Variants in SLC7A7 observed in about 807,000 individuals in gnomAD.
SLC7A7 encodes solute carrier family 7 member 7.
Under a neutral mutation model 47.9 loss-of-function variants are expected in SLC7A7, and 39 were observed. That is an observed-to-expected ratio of 0.81 (90% confidence interval 0.63 to 1.06). The LOEUF is 1.06. Among genes scored for constraint, SLC7A7 ranks in the 50% least tolerant of loss-of-function variants. The pLI is 0.00. For missense variants in SLC7A7, 588 were observed against 632.0 expected (o/e 0.93, Z 0.75); for synonymous variants, 234 against 242.8 (o/e 0.96, Z 0.34).
chr14:22,797,822 G>A (rs2039044675), intron 2 of SLC7A7, among the ~76,000 whole-genome samples: 1 of 152,180 alleles, frequency 6.6e-6, no homozygotes, highest in Admixed American at 6.5e-5. Context: ...AGACTATCTA[G>A]GGCTGTAGTT....
At chr14:22,793,083 A>T (rs2038954902) in intron 2 of SLC7A7, among the ~76,000 whole-genome samples, 1 of 151,464 alleles carries the variant, frequency 6.6e-6, no homozygotes, top group African/African-American at 2.4e-5. Flanking sequence ...AGCCCAGCTA[A>T]TTTTTTGTAT....
intron 2 of SLC7A7, 85 bp downstream of exon 2, chr14:22,812,813 CTA>C: frequency 8.5e-7 from 1 of 1,179,346 alleles, no homozygotes. Context: ...ACATTCCTCT[CTA>C]TCTCCTTCTT....
In SLC7A7 at chr14:22,779,939, A is replaced by G. The variant is rs371412051; in HGVS notation, c.612T>C (p.Val204=). The G allele has an allele frequency of 8.1e-6, 13 of 1,614,052 alleles. No individual in the cohort carries two copies. Among genetic ancestry groups the G allele is most frequent in the Middle Eastern group, 1.6e-4 (1 of 6,084 alleles). Reference sequence around the variant, plus strand: ...ATTATTTCTTACCCTGGCCAAGTCTAACAATGCCTGCAACGATGACCGCGA... The same window carrying G: ...ATTATTTCTTACCCTGGCCAAGTCTGACAATGCCTGCAACGATGACCGCGA... ...ALIAVIVAGI[V]RLGQGASTHF... is the part of the protein sequence containing the mutation. Residue 204 remains valine (V), a synonymous_variant, in exon 3 of 10, where the codon GTT becomes GTC. Transcript: ENST00000674313.
intron 2 of SLC7A7, among the ~76,000 whole-genome samples, chr14:22,809,831 C>A (rs11851289): frequency 0.53 from 81,021 of 151,630 alleles, 21,883 homozygotes; most frequent in East Asian, 0.8. Flanking sequence ...AAATTAGAAG[C>A]AGAAAATTGG....
At position 22,774,373 on chromosome 14, in the gene SLC7A7, T is replaced by C. The variant is rs767401040; in HGVS notation, c.1226A>G (p.Asp409Gly). ...CCTTACCTTGAGGGGACGAGGTCGA[T>C]CAGGCTCCTTCCAGCGCAGATAAAG... ...GQLYLRWKEP[D>G]RPRPLKLSVF... The change falls in exon 8 of 10, where the codon GAT becomes GGT. Residue 409 changes from aspartate to glycine, a missense_variant. By Grantham distance (94) the Asp-to-Gly change is moderately conservative. Transcript: ENST00000674313. 1.2e-6 allele frequency: 2 copies of C among 1,614,120 alleles called. No individual in the cohort carries two copies. The highest frequency in any genetic ancestry group is 1.7e-6 in the Non-Finnish European group (2 of 1,180,014).
chr14:22,815,248 A>AC, intron 1 of SLC7A7, 72 bp downstream of exon 1: 1 of 411,846 alleles, frequency 2.4e-6, no homozygotes, highest in Non-Finnish European at 4.9e-6. Context: ...AAGCGATTAG[A>AC]CACTGCACAG....
At chr14:22,797,270 C>G (rs1198630170) in intron 2 of SLC7A7, among the ~76,000 whole-genome samples, 1 of 152,062 alleles carries the variant, frequency 6.6e-6, no homozygotes, top group East Asian at 1.9e-4. Flanking sequence ...TGGGGCAGTC[C>G]ACGAATTTCT....
At chr14:22,801,687 A>C (rs2039116722) in intron 2 of SLC7A7, among the ~76,000 whole-genome samples, 1 of 152,154 alleles carries the variant, frequency 6.6e-6, no homozygotes, top group African/African-American at 2.4e-5. Context: ...AGACAGGAGA[A>C]TCTCTTGAAC....
chr14:22,815,919 C>T (rs2039401573), upstream of SLC7A7: 1 of 342,772 alleles, frequency 2.9e-6, no homozygotes, highest in Middle Eastern at 1.1e-3. Context: ...TAAGAGCAGT[C>T]TCTACACCAT....
intron 5 of SLC7A7, 62 bp downstream of exon 5, chr14:22,776,133 G>A (rs117796579): frequency 3.3e-4 from 528 of 1,610,412 alleles, no homozygotes; most frequent in Middle Eastern, 8.3e-4. Context: ...ACTTTCAAGA[G>A]CCAGAATATA....
intron 2 of SLC7A7, among the ~76,000 whole-genome samples, chr14:22,789,701 C>A (rs1005390347): frequency 6.6e-6 from 1 of 151,068 alleles, no homozygotes; most frequent in Non-Finnish European, 1.5e-5. Flanking sequence ...ACAGGGAAAT[C>A]ATTCTGTATT....
At chr14:22,779,039 G>A (rs536925494) in intron 3 of SLC7A7, 102 bp from the exon 4 acceptor site, 1 of 1,464,110 alleles carries the variant, frequency 6.8e-7, no homozygotes, top group South Asian at 1.2e-5. Context: ...ATAATAGCAG[G>A]TAAGTGGCCT....
At chr14:22,775,593 C>G (rs1413930357) in intron 6 of SLC7A7, 53 bp from the exon 7 acceptor site, 1 of 1,448,996 alleles carries the variant, frequency 6.9e-7, no homozygotes, top group African/African-American at 1.4e-5. Flanking sequence ...ACGGTGCAGC[C>G]TGGTTCACCT....
At chr14:22,814,600 T>C (rs2039377918) in intron 1 of SLC7A7, 1 of 152,266 alleles carries the variant, frequency 6.6e-6, no homozygotes, top group African/African-American at 2.4e-5. Context: ...CTATAATGGC[T>C]TGACCCCGAG....
In SLC7A7 at chr14:22,774,108, A is replaced by G; in HGVS notation, c.1254T>C (p.Val418=). 6.2e-7 allele frequency: 1 copy of G among 1,614,188 alleles called. No homozygotes were observed. Among genetic ancestry groups the G allele is most frequent in the Non-Finnish European group, 8.5e-7 (1 of 1,180,038 alleles). ...AGAGGCAGAAGACAATCGGGAAGAAAACGCTGAGCTAAGGGCACAGGAAAC... is the reference window on the plus strand; with the variant it reads ...AGAGGCAGAAGACAATCGGGAAGAAGACGCTGAGCTAAGGGCACAGGAAAC... ...PDRPRPLKLS[V]FFPIVFCLCT... The change falls in exon 9 of 10, where the codon GTT becomes GTC. Residue 418 remains valine (V), a synonymous_variant. Transcript: ENST00000674313.
In SLC7A7 at chr14:22,814,484, C is replaced by CA. The variant is rs369456265; in HGVS notation, c.-43+835dup. Among the ~76,000 whole-genome samples the CA allele has an allele frequency of 5.8e-4, 82 of 140,780 alleles. 2 individuals carry two copies. Among genetic ancestry groups the CA allele is most frequent in the African/African-American group, 1.3e-3 (51 of 38,140 alleles). The allele number at this position is 140,780 out of a possible 152,430, so 92.4% of individuals were successfully genotyped here. A position where few individuals can be genotyped will look rare whatever the true frequency, so the allele number is the denominator to read the frequency against. On this transcript the variant is annotated intron_variant, in intron 1 of 9. Transcript: ENST00000674313. ...GGGCAACAAGAGCAAAACTCTGTCT[C>CA]AAAAAAAAAACAAAATCAAAAACAA...
chr14:22,777,023 A>G (rs1290949775), intron 4 of SLC7A7, among the ~76,000 whole-genome samples: 2 of 151,510 alleles, frequency 1.3e-5, no homozygotes, highest in Non-Finnish European at 2.9e-5. Context: ...CATGCCTGTA[A>G]TCCCAGCTAT....
At chr14:22,799,233 A>C (rs1009362166) in intron 2 of SLC7A7, among the ~76,000 whole-genome samples, 4 of 151,966 alleles carry the variant, frequency 2.6e-5, no homozygotes, top group African/African-American at 9.7e-5. Flanking sequence ...GTAGTCATTC[A>C]TTCCTTCTCA....
chr14:22,796,984 T>C (rs1351586266), intron 2 of SLC7A7, among the ~76,000 whole-genome samples: 1 of 152,240 alleles, frequency 6.6e-6, no homozygotes, highest in East Asian at 1.9e-4. Flanking sequence ...GCATATGATA[T>C]GAATATAACT....
Sources: allele counts gnomAD v4.1 joint callset (sites outside exome capture counted in the v4.1 genomes callset), GRCh38; gene constraint gnomAD v4.1.1; transcripts MANE v1.5; gene names NCBI Gene and HGNC (gene_info 2026-07-23, HGNC 2026-07-21).